FBN2: variants seen among roughly 807,000 people sequenced by gnomAD.
The protein encoded by FBN2 is fibrillin 2.
Under a neutral mutation model 355.6 loss-of-function variants are expected in FBN2, and 105 were observed. That is an observed-to-expected ratio of 0.30 (90% CI 0.25 to 0.35). The LOEUF (loss-of-function observed/expected upper bound fraction) is 0.35, where lower values mean the gene tolerates loss of function less well. Ranked by LOEUF, FBN2 falls within the 10% of genes least tolerant of loss-of-function variation. The probability of loss-of-function intolerance (pLI) is 1.00; values close to 1 mark genes in which losing one functional copy is unlikely to be tolerated. For synonymous variants in FBN2, 1,350 were observed against 1,301.2 expected (o/e 1.04, Z -0.81); for missense variants, 3,280 against 3,758.7 (o/e 0.87, Z 3.33).
chr5:128,423,359 G>A (rs564906824), intron 7 of FBN2, among the ~76,000 whole-genome samples: 28 of 152,166 alleles, frequency 1.8e-4, no homozygotes, highest in Admixed American at 7.9e-4. Context: ...TCCCAATTAC[G>A]GCAGAAGACA....
At chr5:128,310,841 T>A (rs1581207290) in intron 39 of FBN2, among the ~76,000 whole-genome samples, 1 of 152,068 alleles carries the variant, frequency 6.6e-6, no homozygotes, top group Admixed American at 6.6e-5. Context: ...CTAAAAGAAT[T>A]GAAATACCAT....
chr5:128,327,512 C>T (rs1178621287), intron 34 of FBN2, among the ~76,000 whole-genome samples: 1 of 150,522 alleles, frequency 6.6e-6, no homozygotes, highest in Non-Finnish European at 1.5e-5. Flanking sequence ...TGGTTAGATA[C>T]TGATGTAGGG....
intron 7 of FBN2, among the ~76,000 whole-genome samples, chr5:128,411,491 C>T (rs1197037517): frequency 6.6e-6 from 1 of 152,138 alleles, no homozygotes; most frequent in Non-Finnish European, 1.5e-5. Context: ...TCATCCCTAG[C>T]GGAACTCCTC....
At chr5:128,437,361 T>G (rs35953794) in intron 7 of FBN2, among the ~76,000 whole-genome samples, 1 of 152,226 alleles carries the variant, frequency 6.6e-6, no homozygotes, top group African/African-American at 2.4e-5. Context: ...CATTATAATA[T>G]GAAGTGAAAA....
At position 128,271,855 on chromosome 5, in the gene FBN2, C is replaced by A. The variant is rs1248467650; in HGVS notation, c.7960+144G>T. On this transcript the variant is annotated intron_variant, in intron 62 of 64. Transcript: ENST00000262464. ...AAACATACACACTAGCAGAATGAGT[C>A]CCCATGCATCAGTCTTAAGGACTGG... 13 of 918,060 alleles carry A rather than the reference C, an allele frequency of 1.4e-5. No homozygotes were observed. The African/African-American group carries it at 2.0e-4, about 14-fold the overall frequency. 56.9% of individuals were successfully genotyped at this position (918,060 alleles called of 1,614,324 possible).
At chr5:128,522,398 C>G (rs1303045755) in intron 4 of FBN2, among the ~76,000 whole-genome samples, 1 of 152,196 alleles carries the variant, frequency 6.6e-6, no homozygotes, top group East Asian at 1.9e-4. Flanking sequence ...CCACTCACCA[C>G]ACCACCTCTC....
At chr5:128,315,061 C>T (rs942198949) in intron 36 of FBN2, among the ~76,000 whole-genome samples, 1 of 152,280 alleles carries the variant, frequency 6.6e-6, no homozygotes, top group East Asian at 1.9e-4. Flanking sequence ...TGTTGATTCA[C>T]AGGATTTGCC....
rs771645863 is a variant in FBN2, at chr5:128,305,672, T to C, written c.5549-36A>G. 1.5e-5 allele frequency: 24 copies of C among 1,612,118 alleles called. No homozygotes were observed. In the African/African-American group the frequency reaches 2.7e-4, roughly 18 times the overall value. ...AACAATTCCATTTTAAAGAGTCCTT[T>C]TTAGTATTGTATTAGCATTACATTC... On this transcript the variant is annotated intron_variant, in intron 43 of 64. Transcript: ENST00000262464.
At chr5:128,411,566 T>C (rs1753063725) in intron 7 of FBN2, among the ~76,000 whole-genome samples, 1 of 152,294 alleles carries the variant, frequency 6.6e-6, no homozygotes, top group South Asian at 2.1e-4. Flanking sequence ...CCTCTTCTCC[T>C]CTCGACATTC....
intron 5 of FBN2, among the ~76,000 whole-genome samples, chr5:128,465,915 CA>C (rs1397272407): frequency 1.3e-5 from 2 of 152,146 alleles, no homozygotes; most frequent in Non-Finnish European, 2.9e-5. Context: ...CCAGGTTCTG[CA>C]TTTTTTAACA....
In FBN2 at chr5:128,277,998, A is replaced by G; in HGVS notation, c.7353T>C (p.Asp2451=). 6.2e-7 allele frequency: 1 copy of G among 1,614,090 alleles called. No individual in the cohort carries two copies. The highest frequency in any genetic ancestry group is 1.7e-5 in the Admixed American group (1 of 60,010). ...PGYTTDGRDI[D]ECKVMPNLCT... is the part of the protein sequence containing the mutation. ...AGAGGTTTGGCATTACCTTACATTC[A>G]TCAATATCTGTGGACCAAAACAACA... The change falls in exon 58 of 65, where the codon GAT becomes GAC. Residue 2451 remains aspartate, a synonymous_variant. Coordinates refer to ENST00000262464, the MANE Select transcript of FBN2 (RefSeq NM_001999.4).
intron 7 of FBN2, among the ~76,000 whole-genome samples, chr5:128,436,671 A>G (rs1016993180): frequency 3.3e-5 from 5 of 151,552 alleles, no homozygotes; most frequent in Admixed American, 2.6e-4. Context: ...CCACTTAAAA[A>G]AAAAAAAAAA....
chr5:128,361,106 C>A (rs2126936199), intron 19 of FBN2, among the ~76,000 whole-genome samples: 1 of 152,286 alleles, frequency 6.6e-6, no homozygotes, highest in East Asian at 1.9e-4. Context: ...CCATTTAACT[C>A]ATTTAAGTAA....
chr5:128,479,990 A>C (rs1297060076), intron 5 of FBN2, among the ~76,000 whole-genome samples: 1,219 of 26,598 alleles, frequency 0.046, 6 homozygotes, highest in East Asian at 0.066. Context: ...ATATATATAT[A>C]TATATATATA....
chr5:128,460,939 A>G (rs1754539236), intron 6 of FBN2, among the ~76,000 whole-genome samples: 1 of 152,190 alleles, frequency 6.6e-6, no homozygotes, highest in South Asian at 2.1e-4. Flanking sequence ...GGACATAGGC[A>G]TGGGGGGAGA....
intron 34 of FBN2, among the ~76,000 whole-genome samples, chr5:128,323,378 G>A (rs561698939): frequency 1.3e-5 from 2 of 152,272 alleles, no homozygotes; most frequent in East Asian, 3.9e-4. Flanking sequence ...CATTCAGTAT[G>A]ATATTGGCTG....
chr5:128,299,376 G>A (rs866612695), intron 48 of FBN2, among the ~76,000 whole-genome samples: 6 of 149,386 alleles, frequency 4.0e-5, no homozygotes, highest in Admixed American at 6.7e-5. Context: ...TCGAGCTTCC[G>A]GGCTGCTTTG....
At chr5:128,290,994 G>T in intron 49 of FBN2, 110 bp from the exon 50 acceptor site, 2 of 1,032,200 alleles carry the variant, frequency 1.9e-6, no homozygotes, top group Non-Finnish European at 2.9e-6. Context: ...GTTAAGGCAG[G>T]TCTGGAAATC....
At chr5:128,392,181 A>G (rs1248207975) in intron 10 of FBN2, 26 bp from the exon 11 acceptor site, 3 of 1,601,822 alleles carry the variant, frequency 1.9e-6, no homozygotes, top group East Asian at 4.5e-5. Context: ...GCACAATTAT[A>G]TTTAATCATT....
Sources: gnomAD v4.1 joint callset for allele counts (sites outside exome capture counted in the v4.1 genomes callset) on GRCh38, gnomAD v4.1.1 for gene constraint, MANE v1.5 for transcripts, NCBI Gene and HGNC (gene_info 2026-07-23, HGNC 2026-07-21) for gene names.